Variants in ATP8B4 observed in about 807,000 individuals in gnomAD.
ATP8B4 encodes the protein probable phospholipid-transporting ATPase IM.
ATP8B4 carries 133 observed loss-of-function variants against 145.6 expected under a neutral mutation model. The ratio of observed to expected loss-of-function variants is 0.91; its 90% CI spans 0.79 to 1.05. The LOEUF (loss-of-function observed/expected upper bound fraction) is 1.05. ATP8B4 is among the 50% of genes least tolerant of loss of function. ATP8B4 has a pLI of 0.00. For missense variants in ATP8B4, 1,458 were observed against 1,425.2 expected (o/e 1.02, Z -0.37); for synonymous variants, 507 against 492.9 (o/e 1.03, Z -0.38).
chr15:50,076,592 A>C (rs1293959305), intron 2 of ATP8B4, among the ~76,000 whole-genome samples: 1 of 152,202 alleles, frequency 6.6e-6, no homozygotes, highest in African/African-American at 2.4e-5. Context: ...AAAGCAGCCA[A>C]GTAGTTTCTA....
chr15:50,062,266 A>G (rs1426275258), intron 3 of ATP8B4, among the ~76,000 whole-genome samples: 1 of 152,130 alleles, frequency 6.6e-6, no homozygotes, highest in Non-Finnish European at 1.5e-5. Context: ...TGTCCTTACA[A>G]TAGTGAGTTC....
intron 2 of ATP8B4, among the ~76,000 whole-genome samples, chr15:50,101,113 C>T (rs2056324459): frequency 6.6e-6 from 1 of 151,996 alleles, no homozygotes; most frequent in African/African-American, 2.4e-5. Flanking sequence ...AGTTTACGAA[C>T]ATTGATTGGA....
At chr15:50,018,426 C>T (rs1013337996) in intron 6 of ATP8B4, among the ~76,000 whole-genome samples, 1 of 152,184 alleles carries the variant, frequency 6.6e-6, no homozygotes, top group Non-Finnish European at 1.5e-5. Context: ...CAAGTGGAAT[C>T]AGATACAGAC....
intron 6 of ATP8B4, among the ~76,000 whole-genome samples, chr15:50,032,248 T>C (rs192177885): frequency 5.5e-4 from 84 of 151,950 alleles, no homozygotes; most frequent in African/African-American, 1.9e-3. Context: ...TGTGTTCTCA[T>C]TGTTCAACTC....
At position 49,876,267 on chromosome 15, in the gene ATP8B4, G is replaced by C. The variant is rs200930425; in HGVS notation, c.3027+11C>G. The C allele has an allele frequency of 1.3e-5, 21 of 1,612,080 alleles. No individual in the cohort carries two copies. The highest frequency in any genetic ancestry group is 1.8e-5 in the Non-Finnish European group (21 of 1,178,838). ...CCCATCAAGTTAAGGTGCTTACACC[G>C]ACAGCGTTACCTGCACACTGACCAC... On this transcript the variant is annotated intron_variant, in intron 25 of 27. Transcript: ENST00000284509.
At chr15:49,963,776 C>G (rs2153512080) in intron 13 of ATP8B4, among the ~76,000 whole-genome samples, 1 of 152,108 alleles carries the variant, frequency 6.6e-6, no homozygotes, top group East Asian at 1.9e-4. Flanking sequence ...GGGAGAGCAT[C>G]AAGAATAGCT....
chr15:50,084,668 C>G (rs934955301), intron 2 of ATP8B4, among the ~76,000 whole-genome samples: 5 of 152,162 alleles, frequency 3.3e-5, no homozygotes, highest in Non-Finnish European at 7.4e-5. Flanking sequence ...AAAGGTCTTA[C>G]AGGGCTAAAA....
intron 1 of ATP8B4, among the ~76,000 whole-genome samples, chr15:50,108,581 C>G (rs2056796926): frequency 6.6e-6 from 1 of 152,136 alleles, no homozygotes; most frequent in Admixed American, 6.6e-5. Context: ...ATTTGGGGGC[C>G]TTCACACATG....
At position 49,876,521 on chromosome 15, in the gene ATP8B4, A is replaced by G. The variant is rs2153396634; in HGVS notation, c.2784T>C (p.Asp928=). The G allele has an allele frequency of 6.2e-7, 1 of 1,613,996 alleles. No individual in the cohort carries two copies. Among genetic ancestry groups the G allele is most frequent in the East Asian group, 2.2e-5 (1 of 44,868 alleles). ...AGTCCACGCTGTTCTGGTCACTCACATCCTGTAAACAGAGTGTAATTTCAG... is the reference window on the plus strand; with the variant it reads ...AGTCCACGCTGTTCTGGTCACTCACGTCCTGTAAACAGAGTGTAATTTCAG... The part of the protein sequence containing the change: ...PVLAMGIFDQ[D]VSDQNSVDCP... Residue 928 remains aspartate, a splice_region_variant and synonymous_variant, in exon 25 of 28, where the codon GAT becomes GAC. Coordinates refer to ENST00000284509, the MANE Select transcript of ATP8B4 (RefSeq NM_024837.4).
chr15:50,048,335 G>C (rs768267060), intron 3 of ATP8B4, among the ~76,000 whole-genome samples: 2 of 152,078 alleles, frequency 1.3e-5, no homozygotes, highest in Non-Finnish European at 2.9e-5. Flanking sequence ...AAACACCGCG[G>C]AATGCCTCTT....
At chr15:49,929,264 T>C (rs2041028043) in intron 16 of ATP8B4, among the ~76,000 whole-genome samples, 1 of 152,176 alleles carries the variant, frequency 6.6e-6, no homozygotes, top group Admixed American at 6.5e-5. Context: ...TGACAATCTT[T>C]GGCAAGTTAC....
At chr15:50,099,749 G>GC (rs1274533784) in intron 2 of ATP8B4, among the ~76,000 whole-genome samples, 1 of 152,142 alleles carries the variant, frequency 6.6e-6, no homozygotes, top group Non-Finnish European at 1.5e-5. Flanking sequence ...CTTAAAGAAT[G>GC]CAAGACATGC....
At chr15:49,887,735 G>C (rs905634406) in intron 23 of ATP8B4, among the ~76,000 whole-genome samples, 1 of 151,158 alleles carries the variant, frequency 6.6e-6, no homozygotes, top group South Asian at 2.1e-4. Flanking sequence ...AAAGCTCCTC[G>C]CTCCCTTCTT....
intron 12 of ATP8B4, among the ~76,000 whole-genome samples, chr15:49,975,695 A>G (rs1304903429): frequency 6.6e-6 from 1 of 152,120 alleles, no homozygotes; most frequent in Non-Finnish European, 1.5e-5. Context: ...AATTTTTTTA[A>G]TGTTACTTTC....
At chr15:50,092,734 G>T (rs999159499) in intron 2 of ATP8B4, among the ~76,000 whole-genome samples, 14 of 151,876 alleles carry the variant, frequency 9.2e-5, no homozygotes, top group Non-Finnish European at 2.1e-4. Context: ...ATGGTTAAAG[G>T]TTTATCATAT....
chr15:50,129,979 G>T (rs74691162), intron 1 of ATP8B4, among the ~76,000 whole-genome samples: 1 of 146,564 alleles, frequency 6.8e-6, no homozygotes, highest in African/African-American at 2.5e-5. Flanking sequence ...AGAAAGAAAA[G>T]AAAAGAAATT....
intron 16 of ATP8B4, among the ~76,000 whole-genome samples, chr15:49,926,176 A>C (rs746229637): frequency 6.6e-6 from 1 of 152,090 alleles, no homozygotes; most frequent in African/African-American, 2.4e-5. Flanking sequence ...TCTGACCTGC[A>C]CATCCGACTA....
intron 23 of ATP8B4, 194 bp downstream of exon 23, chr15:49,897,098 C>T (rs547677325): frequency 7.5e-6 from 4 of 533,734 alleles, no homozygotes; most frequent in Non-Finnish European, 9.7e-6. Context: ...AAATAAAATT[C>T]CAGCTAGATA....
intron 6 of ATP8B4, among the ~76,000 whole-genome samples, chr15:50,025,378 C>T (rs986921757): frequency 6.6e-6 from 1 of 152,210 alleles, no homozygotes; most frequent in Non-Finnish European, 1.5e-5. Context: ...TTCTCCAGCC[C>T]TGTCTGCCCC....
Sources: allele counts gnomAD v4.1 joint callset (sites outside exome capture counted in the v4.1 genomes callset), GRCh38; gene constraint gnomAD v4.1.1; transcripts MANE v1.5; gene names NCBI Gene and HGNC (gene_info 2026-07-23, HGNC 2026-07-21).